Variants in CHODL observed in about 807,000 individuals in gnomAD.
CHODL encodes transmembrane protein MT75.
In CHODL, 29 loss-of-function variants were observed where a neutral mutation model predicts 34.5. That is an observed-to-expected ratio of 0.84 (90% CI 0.63 to 1.15). CHODL has a LOEUF of 1.15. Among genes scored for constraint, CHODL ranks in the 50% most tolerant of loss-of-function variants. CHODL has a pLI of 0.00. For missense variants in CHODL, 332 were observed against 332.5 expected (o/e 1.00, Z 0.01); for synonymous variants, 125 against 116.1 (o/e 1.08, Z -0.49).
intron 1 of CHODL, among the ~76,000 whole-genome samples, chr21:18,025,896 C>T (rs1013941880): frequency 1.3e-5 from 2 of 152,138 alleles, no homozygotes; most frequent in South Asian, 4.1e-4. Context: ...TGGACTAGGG[C>T]CTACCCTACA....
intron 1 of CHODL, among the ~76,000 whole-genome samples, chr21:17,998,292 C>T (rs1020993738): frequency 6.6e-6 from 1 of 152,224 alleles, no homozygotes; most frequent in Non-Finnish European, 1.5e-5. Context: ...CAGCTCCACC[C>T]CTGTGGCTTT....
At chr21:17,990,966 A>G (rs2063792410) in intron 1 of CHODL, among the ~76,000 whole-genome samples, 1 of 151,890 alleles carries the variant, frequency 6.6e-6, no homozygotes. Flanking sequence ...TTCACCTTCC[A>G]CCTTTTTTCC....
At chr21:18,170,680 T>C (rs570793786) in intron 2 of CHODL, among the ~76,000 whole-genome samples, 25 of 152,284 alleles carry the variant, frequency 1.6e-4, no homozygotes, top group African/African-American at 6.0e-4. Flanking sequence ...TTACATAACC[T>C]CATTTTCTCT....
At chr21:18,193,162 A>G (rs1180446304) in intron 2 of CHODL, among the ~76,000 whole-genome samples, 1 of 152,208 alleles carries the variant, frequency 6.6e-6, no homozygotes, top group Non-Finnish European at 1.5e-5. Context: ...AGAAGGGATA[A>G]CCACAGAAAA....
intron 2 of CHODL, among the ~76,000 whole-genome samples, chr21:18,082,766 G>A (rs569393009): frequency 5.9e-5 from 9 of 152,232 alleles, no homozygotes; most frequent in Non-Finnish European, 8.8e-5. Flanking sequence ...AAGAAATTTC[G>A]AAGTGGCAAA....
chr21:17,944,310 C>T (rs977545401), intron 1 of CHODL, among the ~76,000 whole-genome samples: 3 of 152,182 alleles, frequency 2.0e-5, no homozygotes, highest in African/African-American at 7.2e-5. Context: ...CCAGCCTAAC[C>T]CAGAAAGGCA....
At chr21:17,995,847 G>A (rs1477055065) in intron 1 of CHODL, among the ~76,000 whole-genome samples, 3 of 152,226 alleles carry the variant, frequency 2.0e-5, no homozygotes, top group Non-Finnish European at 4.4e-5. Context: ...AACCTCTGGA[G>A]TAAAAAGTGT....
intron 1 of CHODL, among the ~76,000 whole-genome samples, chr21:18,247,534 A>G (rs2074156249): frequency 6.6e-6 from 1 of 152,170 alleles, no homozygotes; most frequent in Non-Finnish European, 1.5e-5. Flanking sequence ...ACCTAAAAAT[A>G]AAGTGGATAT....
At chr21:18,074,707 T>C (rs1364430277) in intron 2 of CHODL, among the ~76,000 whole-genome samples, 1 of 152,124 alleles carries the variant, frequency 6.6e-6, no homozygotes, top group Non-Finnish European at 1.5e-5. Context: ...TTATTTTCTA[T>C]GGAAAAAGAA....
At chr21:18,058,339 C>T (rs1037748932) in intron 2 of CHODL, among the ~76,000 whole-genome samples, 1 of 152,114 alleles carries the variant, frequency 6.6e-6, no homozygotes, top group African/African-American at 2.4e-5. Context: ...ATCCAGCAAT[C>T]CAACTATTAG....
intron 2 of CHODL, among the ~76,000 whole-genome samples, chr21:18,184,794 C>G (rs1363533068): frequency 3.9e-5 from 6 of 152,132 alleles, no homozygotes; most frequent in Admixed American, 3.9e-4. Flanking sequence ...TTCTAAAGCC[C>G]AGTAACTGGT....
intron 1 of CHODL, among the ~76,000 whole-genome samples, chr21:17,959,395 G>A (rs2063515913): frequency 6.6e-6 from 1 of 152,138 alleles, no homozygotes; most frequent in Non-Finnish European, 1.5e-5. Flanking sequence ...GTTTGATATT[G>A]TGAGGACATA....
At chr21:18,001,113 A>G (rs2063901471) in intron 1 of CHODL, among the ~76,000 whole-genome samples, 1 of 152,240 alleles carries the variant, frequency 6.6e-6, no homozygotes, top group Admixed American at 6.5e-5. Flanking sequence ...GGGCCATCCT[A>G]TGTAACATGG....
chr21:18,158,865 A>G (rs1224480038), intron 2 of CHODL, among the ~76,000 whole-genome samples: 1 of 151,806 alleles, frequency 6.6e-6, no homozygotes, highest in East Asian at 1.9e-4. Context: ...AGAAGAAGAA[A>G]AGAAAGGCAT....
At chr21:18,263,598 CAAAT>C (rs1382875842) in intron 5 of CHODL, among the ~76,000 whole-genome samples, 3 of 151,594 alleles carry the variant, frequency 2.0e-5, no homozygotes, top group African/African-American at 7.3e-5. Flanking sequence ...ATTTCATTGT[CAAAT>C]AAAAAATGAA....
chr21:17,945,083 G>T (rs2063395353), intron 1 of CHODL, among the ~76,000 whole-genome samples: 1 of 151,870 alleles, frequency 6.6e-6, no homozygotes, highest in South Asian at 2.1e-4. Flanking sequence ...ATGGTGGCAG[G>T]TGCCTATAGT....
chr21:18,225,220 CA>C (rs2073920508), intron 2 of CHODL, among the ~76,000 whole-genome samples: 1 of 152,038 alleles, frequency 6.6e-6, no homozygotes, highest in Non-Finnish European at 1.5e-5. Context: ...CATAAGGATG[CA>C]ATTGTTAAGA....
intron 2 of CHODL, among the ~76,000 whole-genome samples, chr21:18,223,026 A>G (rs189367156): frequency 6.6e-6 from 1 of 152,374 alleles, no homozygotes; most frequent in Admixed American, 6.5e-5. Context: ...AAAAGAGCCA[A>G]TGACTGAAAG....
intron 1 of CHODL, among the ~76,000 whole-genome samples, chr21:18,006,100 C>T (rs546059262): frequency 7.2e-5 from 11 of 152,342 alleles, no homozygotes; most frequent in South Asian, 6.2e-4. Context: ...CCGCCATCCA[C>T]GCAAGATGTG....
Sources: gnomAD v4.1 joint callset for allele counts (sites outside exome capture counted in the v4.1 genomes callset) on GRCh38, gnomAD v4.1.1 for gene constraint, MANE v1.5 for transcripts, NCBI Gene and HGNC (gene_info 2026-07-23, HGNC 2026-07-21) for gene names.